The following STK32A variants were observed in gnomAD, a reference collection of about 807,000 sequenced individuals.
STK32A encodes serine/threonine kinase 32A, also known as serine/threonine-protein kinase 32A.
In STK32A, 41 loss-of-function variants were observed where a neutral mutation model predicts 53.2. The observed-to-expected ratio is 0.77, with a 90% confidence interval of 0.60 to 1.00. The LOEUF is 1.00. Among genes scored for constraint, STK32A ranks in the 50% least tolerant of loss-of-function variants. The pLI is 0.00. For synonymous variants in STK32A, 166 were observed against 162.8 expected, an observed-to-expected ratio of 1.02 and a Z score of -0.15; for missense variants, 458 against 485.8, an observed-to-expected ratio of 0.94 and a Z score of 0.54.
chr5:147,373,428 G>A (rs1459463005), intron 10 of STK32A, 134 bp downstream of exon 10: 14 of 1,252,552 alleles, frequency 1.1e-5, no homozygotes, highest in Non-Finnish European at 1.3e-5. Context: ...TTACAGATGA[G>A]AGAATTGAGA....
At chr5:147,278,326 T>C in intron 3 of STK32A, 147 bp downstream of exon 3, 3 of 708,646 alleles carry the variant, frequency 4.2e-6, no homozygotes, top group Non-Finnish European at 7.1e-6. Flanking sequence ...TTTTATAAAA[T>C]TGTCACCACA....
At chr5:147,315,905 A>T (rs572137142) in intron 4 of STK32A, among the ~76,000 whole-genome samples, 12 of 152,314 alleles carry the variant, frequency 7.9e-5, no homozygotes, top group Non-Finnish European at 1.5e-4. Context: ...AAATCTTAAA[A>T]CAATCCCAAA....
intron 2 of STK32A, among the ~76,000 whole-genome samples, chr5:147,246,248 C>G (rs887048661): frequency 9.9e-5 from 15 of 152,070 alleles, no homozygotes; most frequent in African/African-American, 3.6e-4. Flanking sequence ...CAATTTATGG[C>G]AAGGGTTTTA....
At chr5:147,314,527 C>CAAAAAAAAAAAAAAAAAAAA (rs979925499) in intron 4 of STK32A, among the ~76,000 whole-genome samples, 1 of 19,386 alleles carries the variant, frequency 5.2e-5, no homozygotes, top group Admixed American at 5.8e-4. Context: ...CAAAAAAAAA[C>CAAAAAAAAAAAAAAAAAAAA]AAAAAAAAAA....
intron 2 of STK32A, among the ~76,000 whole-genome samples, chr5:147,262,953 T>C (rs74327604): frequency 1.8e-3 from 269 of 152,192 alleles, no homozygotes; most frequent in African/African-American, 6.2e-3. Context: ...TGTTTGGATA[T>C]CTATTTAAAA....
At chr5:147,283,810 C>T (rs1045974984) in intron 4 of STK32A, among the ~76,000 whole-genome samples, 1 of 151,892 alleles carries the variant, frequency 6.6e-6, no homozygotes, top group Non-Finnish European at 1.5e-5. Flanking sequence ...TTAAAAATTA[C>T]CAAGAAAAAT....
intron 2 of STK32A, among the ~76,000 whole-genome samples, chr5:147,251,401 G>T (rs1289843737): frequency 1.3e-5 from 2 of 152,176 alleles, no homozygotes; most frequent in African/African-American, 4.8e-5. Context: ...CAACCATAAT[G>T]CATTTTATCA....
chr5:147,395,865 T>A, the STK32A span: 2 of 1,020,748 alleles, frequency 2.0e-6, no homozygotes, highest in Non-Finnish European at 2.8e-6. Context: ...AAGGGAGAAG[T>A]AGTATAAAAT....
chr5:147,353,931 T>C (rs571519810), intron 7 of STK32A, among the ~76,000 whole-genome samples: 1 of 152,168 alleles, frequency 6.6e-6, no homozygotes, highest in Admixed American at 6.5e-5. Flanking sequence ...AAAGGTAAAA[T>C]ATTTCAACTT....
At chr5:147,239,223 C>G (rs761044339) in intron 1 of STK32A, among the ~76,000 whole-genome samples, 6 of 152,170 alleles carry the variant, frequency 3.9e-5, no homozygotes, top group Non-Finnish European at 7.3e-5. Context: ...AGTATAAAAT[C>G]AGCATATTTT....
downstream of STK32A, among the ~76,000 whole-genome samples, chr5:147,388,728 T>C (rs1390173271): frequency 6.6e-6 from 1 of 152,194 alleles, no homozygotes; most frequent in East Asian, 1.9e-4. Flanking sequence ...CTCAGCATTC[T>C]CATTCCCCAC....
At chr5:147,266,751 G>A (rs563730311) in intron 2 of STK32A, among the ~76,000 whole-genome samples, 5 of 152,232 alleles carry the variant, frequency 3.3e-5, no homozygotes, top group Admixed American at 2.0e-4. Flanking sequence ...TTGGCTGGGC[G>A]TGATGGCTCA....
chr5:147,289,211 C>A (rs1192089735), intron 4 of STK32A, among the ~76,000 whole-genome samples: 3 of 151,994 alleles, frequency 2.0e-5, no homozygotes, highest in Non-Finnish European at 4.4e-5. Flanking sequence ...ATCAAGACTC[C>A]CCAATATATT....
At chr5:147,351,804 G>A (rs564284317) in intron 7 of STK32A, among the ~76,000 whole-genome samples, 53 of 152,232 alleles carry the variant, frequency 3.5e-4, no homozygotes, top group African/African-American at 1.1e-3. Context: ...TCGAGATCGC[G>A]CCATTGCACT....
At chr5:147,333,332 A>G (rs1447284225) in intron 5 of STK32A, among the ~76,000 whole-genome samples, 1 of 152,236 alleles carries the variant, frequency 6.6e-6, no homozygotes, top group Non-Finnish European at 1.5e-5. Flanking sequence ...TGGTATAGAT[A>G]TATATAATGC....
At chr5:147,313,135 T>C (rs1753787331) in intron 4 of STK32A, among the ~76,000 whole-genome samples, 1 of 151,020 alleles carries the variant, frequency 6.6e-6, no homozygotes, top group Non-Finnish European at 1.5e-5. Context: ...CTCAGGAGGC[T>C]GAGATGGAAG....
At chr5:147,335,873 A>T (rs1009241052) in intron 5 of STK32A, among the ~76,000 whole-genome samples, 1 of 152,244 alleles carries the variant, frequency 6.6e-6, no homozygotes, top group Non-Finnish European at 1.5e-5. Context: ...GAGAAGTGAA[A>T]ATACCCAGTT....
chr5:147,348,951 G>A (rs1295986529), intron 6 of STK32A: 2 of 482,074 alleles, frequency 4.1e-6, no homozygotes, highest in Admixed American at 3.2e-5. Flanking sequence ...AGGTAACACA[G>A]CTAGTTAGTG....
intron 2 of STK32A, among the ~76,000 whole-genome samples, chr5:147,244,891 A>C (rs189631346): frequency 6.6e-6 from 1 of 152,340 alleles, no homozygotes; most frequent in East Asian, 1.9e-4. Flanking sequence ...ATTAATGCTA[A>C]TTAAGTGTTA....
Sources: allele counts gnomAD v4.1 joint callset (sites outside exome capture counted in the v4.1 genomes callset), GRCh38; gene constraint gnomAD v4.1.1; transcripts MANE v1.5; gene names NCBI Gene and HGNC (gene_info 2026-07-23, HGNC 2026-07-21).